The following DNM3 variants were observed in gnomAD, a reference collection of about 807,000 sequenced individuals.
DNM3 encodes the protein dynamin 3.
In DNM3, 47 loss-of-function variants were observed where a neutral mutation model predicts 101.6. The observed-to-expected ratio is 0.46, with a 90% CI of 0.37 to 0.59. The LOEUF is 0.59. Ranked by LOEUF, DNM3 falls within the 20% of genes least tolerant of loss-of-function variation. The pLI, the probability that DNM3 is intolerant of heterozygous loss-of-function variation, is 0.00. For missense variants in DNM3, 849 were observed against 1,085.7 expected (o/e 0.78, Z 3.06); for synonymous variants, 385 against 387.9 (o/e 0.99, Z 0.09).
chr1:171,938,069 T>C (rs1300346055), intron 2 of DNM3, among the ~76,000 whole-genome samples: 6 of 152,030 alleles, frequency 3.9e-5, no homozygotes, highest in Admixed American at 2.0e-4. Context: ...TCGTTCTTTT[T>C]ATGATTTTCT....
chr1:172,040,254 T>C (rs1453379973), intron 7 of DNM3, among the ~76,000 whole-genome samples: 1 of 152,134 alleles, frequency 6.6e-6, no homozygotes, highest in Non-Finnish European at 1.5e-5. Context: ...AAAATAAAAT[T>C]AGCATATACA....
rs2069346144 is a variant in DNM3 at position 172,388,744 on chromosome 1, T to G, written c.2457T>G (p.Ser819Arg). Residue 819 changes from serine to arginine, a missense_variant, in exon 20 of 21, where the codon AGT becomes AGG. Ser to Arg is a moderately radical substitution (Grantham distance 110, BLOSUM62 -1). Transcript: ENST00000627582. ...CATTACCTCCTTTCCCCAGCAGCAG[T>G]GACTCCTTCGGAGCCCCTCCACAAG... ...PGPLPPFPSS[S>R]DSFGAPPQVP... is the part of the protein sequence containing the mutation. 3 of 1,612,044 alleles carry G rather than the reference T, an allele frequency of 1.9e-6. No homozygotes were observed. Among genetic ancestry groups the G allele is most frequent in the Admixed American group, 1.7e-5 (1 of 59,802 alleles).
chr1:172,235,237 C>T (rs1331675662), intron 14 of DNM3, among the ~76,000 whole-genome samples: 1 of 152,132 alleles, frequency 6.6e-6, no homozygotes, highest in East Asian at 1.9e-4. Flanking sequence ...CCGAAAGACA[C>T]GTGAAAAAAT....
chr1:172,173,278 A>T (rs1456991857), intron 14 of DNM3, among the ~76,000 whole-genome samples: 1 of 151,706 alleles, frequency 6.6e-6, no homozygotes, highest in Non-Finnish European at 1.5e-5. Context: ...GAGAGAGAGA[A>T]GAGTCAGGGA....
At chr1:172,100,291 C>T (rs954191759) in intron 13 of DNM3, among the ~76,000 whole-genome samples, 1 of 152,148 alleles carries the variant, frequency 6.6e-6, no homozygotes, top group Non-Finnish European at 1.5e-5. Flanking sequence ...AACAGGGTTT[C>T]TTCTCTCCCT....
chr1:172,115,809 A>G (rs1009507907), intron 13 of DNM3, among the ~76,000 whole-genome samples: 1 of 152,200 alleles, frequency 6.6e-6, no homozygotes, highest in Non-Finnish European at 1.5e-5. Context: ...TCTCTCCAAC[A>G]TAAACCAAGA....
intron 2 of DNM3, among the ~76,000 whole-genome samples, chr1:171,974,415 C>A (rs2044230971): frequency 6.6e-6 from 1 of 152,140 alleles, no homozygotes; most frequent in Admixed American, 6.5e-5. Flanking sequence ...AAATTGATTA[C>A]TTTTCATATT....
chr1:172,410,047 C>G lies in DNM3; in HGVS notation c.*2206C>G. 1 of 985,598 alleles carries G rather than the reference C, an allele frequency of 1.0e-6. No homozygotes were observed. Among genetic ancestry groups the G allele is most frequent in the Non-Finnish European group, 1.2e-6 (1 of 829,884 alleles). The allele number at this position is 985,598 out of a possible 1,614,324, so 61.1% of individuals were successfully genotyped here. A position where few individuals can be genotyped will look rare whatever the true frequency, so the allele number is the denominator to read the frequency against. The stretch of plus-strand genomic sequence containing the variant: ...TTTAGATTATAGTCCCACAGTTGCA[C>G]TGCCCCAATTGTCTACCTTTGTGGG... On this transcript the variant is annotated 3_prime_UTR_variant, in exon 21 of 21. Coordinates refer to ENST00000627582, the MANE Select transcript of DNM3 (RefSeq NM_015569.5).
At chr1:172,399,255 C>T (rs988831193) in intron 20 of DNM3, among the ~76,000 whole-genome samples, 23 of 152,160 alleles carry the variant, frequency 1.5e-4, no homozygotes, top group African/African-American at 5.6e-4. Context: ...TGAGTAGAAG[C>T]GACTGAACCT....
chr1:171,864,809 G>C (rs1225224479), intron 1 of DNM3: 1 of 151,772 alleles, frequency 6.6e-6, no homozygotes, highest in Non-Finnish European at 1.5e-5. Flanking sequence ...TGTTAGTAAT[G>C]CTTTAATTTT....
chr1:172,033,401 T>C, intron 6 of DNM3, 136 bp downstream of exon 6: 2 of 973,148 alleles, frequency 2.1e-6, no homozygotes, highest in East Asian at 2.7e-5. Context: ...ATTTTAAAAA[T>C]GAATATTAGT....
Position 172,409,544 on chromosome 1 carries a change from A to C in DNM3, c.*1703A>C. 1 of 984,368 alleles carries C rather than the reference A, an allele frequency of 1.0e-6. No individual in the cohort carries two copies. Among genetic ancestry groups the C allele is most frequent in the Non-Finnish European group, 1.2e-6 (1 of 828,972 alleles). The allele number at this position is 984,368 out of a possible 1,614,324, so 61.0% of individuals were successfully genotyped here. A position where few individuals can be genotyped will look rare whatever the true frequency, so the allele number is the denominator to read the frequency against. On this transcript the variant is annotated 3_prime_UTR_variant, in exon 21 of 21. Coordinates refer to ENST00000627582, the MANE Select transcript of DNM3 (RefSeq NM_015569.5). ...TAAGGTTACCAGTGATTGTATAAAA[A>C]CATCACAATCCTAAATCCTCTCGTA...
At chr1:172,131,505 T>C (rs538816714) in intron 14 of DNM3, among the ~76,000 whole-genome samples, 2 of 152,326 alleles carry the variant, frequency 1.3e-5, no homozygotes, top group East Asian at 3.9e-4. Context: ...ATTTCTTTGC[T>C]GTAACCATAT....
At chr1:172,022,412 G>A (rs930084198) in intron 4 of DNM3, among the ~76,000 whole-genome samples, 2 of 152,042 alleles carry the variant, frequency 1.3e-5, no homozygotes, top group African/African-American at 4.8e-5. Context: ...ATTATTTTAA[G>A]CTGCCTATTT....
intron 2 of DNM3, among the ~76,000 whole-genome samples, chr1:171,949,937 C>T (rs993009875): frequency 6.6e-6 from 1 of 152,080 alleles, no homozygotes; most frequent in East Asian, 1.9e-4. Flanking sequence ...AGTATTTACC[C>T]AAGAGAAATG....
Position 172,262,805 on chromosome 1 carries a change from T to C in DNM3, c.1769+9123T>C, listed in dbSNP as rs1473330562. On this transcript the variant is annotated intron_variant, in intron 15 of 20. Transcript: ENST00000627582. ...CTTGCGTGTCATTTTTCTTTGCTAG[T>C]GGATAGACTTTTTTTAGTCTGTCTT... Among the ~76,000 whole-genome samples, 12 of 152,342 alleles carry C rather than the reference T, an allele frequency of 7.9e-5. No homozygotes were observed. The East Asian group carries it at 2.1e-3, about 27-fold the overall frequency.
intron 4 of DNM3, among the ~76,000 whole-genome samples, chr1:172,001,450 C>T (rs958926648): frequency 4.6e-5 from 7 of 151,944 alleles, no homozygotes; most frequent in Admixed American, 3.9e-4. Flanking sequence ...ATCATGAGTT[C>T]ATTACCCATG....
chr1:171,990,837 AGAG>A (rs2045585695), intron 4 of DNM3, among the ~76,000 whole-genome samples: 1 of 152,106 alleles, frequency 6.6e-6, no homozygotes, highest in Admixed American at 6.5e-5. Flanking sequence ...ACAAGCAGGT[AGAG>A]GCTCCAGATG....
intron 2 of DNM3, among the ~76,000 whole-genome samples, chr1:171,960,970 T>C (rs952523359): frequency 1.3e-5 from 2 of 152,108 alleles, no homozygotes; most frequent in African/African-American, 4.8e-5. Context: ...AGTGGAAGTT[T>C]GGAATAGTTG....
Sources: allele counts gnomAD v4.1 joint callset (sites outside exome capture counted in the v4.1 genomes callset), GRCh38; gene constraint gnomAD v4.1.1; transcripts MANE v1.5; gene names NCBI Gene and HGNC (gene_info 2026-07-23, HGNC 2026-07-21).